DHX32: variants seen among roughly 807,000 people sequenced by gnomAD.
DHX32 encodes putative pre-mRNA-splicing factor ATP-dependent RNA helicase DHX32.
Under a neutral mutation model 70.0 loss-of-function variants are expected in DHX32, and 51 were observed. The observed-to-expected ratio is 0.73, with a 90% CI of 0.58 to 0.92. The LOEUF (loss-of-function observed/expected upper bound fraction) is 0.92, where lower values mean the gene tolerates loss of function less well. Among genes scored for constraint, DHX32 ranks in the 40% least tolerant of loss-of-function variants. DHX32 has a pLI of 0.00. For synonymous variants in DHX32, 310 were observed against 315.3 expected (o/e 0.98, Z 0.18); for missense variants, 762 against 891.8 (o/e 0.85, Z 1.85).
chr10:125,864,903 C>T (rs1415249408), intron 2 of DHX32, among the ~76,000 whole-genome samples: 2 of 122,330 alleles, frequency 1.6e-5, no homozygotes, highest in African/African-American at 6.3e-5. Flanking sequence ...TCACTCCAGC[C>T]TGGGAGACAG....
At chr10:125,892,942 T>C (rs1358054516) in intron 1 of DHX32, among the ~76,000 whole-genome samples, 1 of 152,130 alleles carries the variant, frequency 6.6e-6, no homozygotes, top group Non-Finnish European at 1.5e-5. Flanking sequence ...ACCTCTCTAT[T>C]ATTACCCTAC....
chr10:125,861,959 A>G (rs184491332), intron 2 of DHX32, among the ~76,000 whole-genome samples: 23 of 152,230 alleles, frequency 1.5e-4, no homozygotes, highest in Non-Finnish European at 1.5e-5. Context: ...ACAAACATCT[A>G]TTAAGCACCT....
intron 1 of DHX32, among the ~76,000 whole-genome samples, chr10:125,890,021 C>T (rs1404750640): frequency 6.6e-6 from 1 of 152,296 alleles, no homozygotes; most frequent in African/African-American, 2.4e-5. Context: ...TATGCTTAAC[C>T]ATATATCCAT....
chr10:125,850,259 T>C (rs562468512), intron 6 of DHX32, among the ~76,000 whole-genome samples: 1 of 151,342 alleles, frequency 6.6e-6, no homozygotes, highest in Non-Finnish European at 1.5e-5. Flanking sequence ...ATTACAGGTG[T>C]GAGCCACCAT....
chr10:125,861,490 C>G (rs1048172447), intron 2 of DHX32, among the ~76,000 whole-genome samples: 4 of 152,110 alleles, frequency 2.6e-5, no homozygotes, highest in Admixed American at 2.6e-4. Flanking sequence ...GAGCGAGACT[C>G]CCCCAGAAAA....
chr10:125,852,705 C>A, intron 4 of DHX32, 63 bp from the exon 5 acceptor site: 1 of 1,431,970 alleles, frequency 7.0e-7, no homozygotes, highest in South Asian at 1.3e-5. Context: ...GCTCACTGAT[C>A]CTGAAGAGAA....
At chr10:125,860,317 T>C (rs1408932999) in intron 2 of DHX32, among the ~76,000 whole-genome samples, 1 of 152,182 alleles carries the variant, frequency 6.6e-6, no homozygotes, top group Non-Finnish European at 1.5e-5. Context: ...AAAAGTAGTA[T>C]CATAAAACAC....
chr10:125,861,679 G>A (rs1334091731), intron 2 of DHX32, among the ~76,000 whole-genome samples: 1 of 152,170 alleles, frequency 6.6e-6, no homozygotes, highest in African/African-American at 2.4e-5. Flanking sequence ...ACCATTTCAC[G>A]AGCTGTGAAT....
intron 1 of DHX32, among the ~76,000 whole-genome samples, chr10:125,877,202 C>A (rs991036882): frequency 6.6e-6 from 1 of 152,088 alleles, no homozygotes; most frequent in African/African-American, 2.4e-5. Flanking sequence ...TGTTATTTGT[C>A]CACAGAAACT....
At chr10:125,867,273 T>A in intron 1 of DHX32, 90 bp from the exon 2 acceptor site, 1 of 1,152,342 alleles carries the variant, frequency 8.7e-7, no homozygotes, top group Non-Finnish European at 1.2e-6. Context: ...ATCTTATAAG[T>A]GATTTTCTTT....
intron 1 of DHX32, among the ~76,000 whole-genome samples, chr10:125,888,392 G>C (rs1026112814): frequency 9.2e-5 from 14 of 151,842 alleles, no homozygotes; most frequent in African/African-American, 3.1e-4. Context: ...TATTTTTGTA[G>C]AGACAGTGTC....
At chr10:125,891,596 A>G (rs76010687) in intron 1 of DHX32, among the ~76,000 whole-genome samples, 1 of 152,284 alleles carries the variant, frequency 6.6e-6, no homozygotes, top group East Asian at 1.9e-4. Context: ...GTTTTAAAAA[A>G]TATTTTTAAA....
chr10:125,882,600 C>G (rs1320806701), upstream of DHX32, among the ~76,000 whole-genome samples: 2 of 152,094 alleles, frequency 1.3e-5, no homozygotes, highest in Non-Finnish European at 2.9e-5. Context: ...AGGTAAGTAA[C>G]CAGAGAGGCA....
intron 10 of DHX32, among the ~76,000 whole-genome samples, chr10:125,837,107 C>T (rs1428553240): frequency 6.6e-6 from 1 of 152,210 alleles, no homozygotes; most frequent in Non-Finnish European, 1.5e-5. Context: ...TGCTGTCTAC[C>T]ACTAACCTTT....
At chr10:125,888,806 C>G (rs61870755) in intron 1 of DHX32, among the ~76,000 whole-genome samples, 2 of 152,290 alleles carry the variant, frequency 1.3e-5, no homozygotes, top group Non-Finnish European at 2.9e-5. Flanking sequence ...ATGCCTGTAA[C>G]CCCAGAACTT....
intron 2 of DHX32, among the ~76,000 whole-genome samples, chr10:125,860,644 A>C (rs909549253): frequency 2.0e-5 from 3 of 151,818 alleles, no homozygotes; most frequent in African/African-American, 7.3e-5. Context: ...TCTTGGGATG[A>C]TTTTTTAAAA....
At chr10:125,883,257 A>G (rs1944328333), upstream of DHX32, among the ~76,000 whole-genome samples, 1 of 152,178 alleles carries the variant, frequency 6.6e-6, no homozygotes, top group South Asian at 2.1e-4. Context: ...TCTCTGTTAT[A>G]GTGGAATTAA....
chr10:125,884,823 C>T (rs1465854220), upstream of DHX32, among the ~76,000 whole-genome samples: 1 of 151,976 alleles, frequency 6.6e-6, no homozygotes, highest in Non-Finnish European at 1.5e-5. Flanking sequence ...AATATTACTG[C>T]TTACTTTTCA....
At position 125,867,184 on chromosome 10, in the gene DHX32, C is replaced by T. The variant is rs1202696668; in HGVS notation, c.283-1G>A. 6.3e-7 allele frequency: 1 copy of T among 1,593,136 alleles called. No homozygotes were observed. Among genetic ancestry groups the T allele is most frequent in the Admixed American group, 1.8e-5 (1 of 56,576 alleles). On this transcript the variant is annotated splice_acceptor_variant, in intron 1 of 10. Coordinates refer to ENST00000284690, the MANE Select transcript of DHX32 (RefSeq NM_018180.3). LOFTEE classifies it high-confidence loss of function. ...AATATTCAGCACACCACTGAGGAACCTGTAGCAGGAAAAAATGAGACAGGA... is the reference window on the plus strand; with the variant it reads ...AATATTCAGCACACCACTGAGGAACTTGTAGCAGGAAAAAATGAGACAGGA...
Sources: allele counts gnomAD v4.1 joint callset (sites outside exome capture counted in the v4.1 genomes callset), GRCh38; gene constraint gnomAD v4.1.1; transcripts MANE v1.5; gene names NCBI Gene and HGNC (gene_info 2026-07-23, HGNC 2026-07-21).